Variants in NEK1 observed in about 807,000 individuals in gnomAD.
NEK1 encodes NIMA related kinase 1.
NEK1 carries 137 observed loss-of-function variants against 182.1 expected under a neutral mutation model. That is an observed-to-expected ratio of 0.75 (90% CI 0.65 to 0.87). The LOEUF (loss-of-function observed/expected upper bound fraction) is 0.87, where lower values mean the gene tolerates loss of function less well. Ranked by LOEUF, NEK1 falls within the 40% of genes least tolerant of loss-of-function variation. The pLI is 0.00. For synonymous variants in NEK1, 513 were observed against 492.2 expected (o/e 1.04, Z -0.56); for missense variants, 1,391 against 1,494.4 (o/e 0.93, Z 1.14).
chr4:169,544,391 G>A (rs995986090), intron 18 of NEK1, among the ~76,000 whole-genome samples: 4 of 152,004 alleles, frequency 2.6e-5, no homozygotes, highest in South Asian at 2.1e-4. Flanking sequence ...GAGGATTTTC[G>A]CAACAATGTT....
chr4:169,603,381 G>A (rs1378693767), intron 2 of NEK1, among the ~76,000 whole-genome samples: 3 of 152,062 alleles, frequency 2.0e-5, no homozygotes, highest in African/African-American at 7.2e-5. Flanking sequence ...AGCAATAAAG[G>A]GTAGTAGTTA....
intron 30 of NEK1, 87 bp downstream of exon 30, chr4:169,426,059 T>C: frequency 1.0e-6 from 1 of 955,750 alleles, no homozygotes; most frequent in South Asian, 1.5e-5. Flanking sequence ...TGCTTTCTTA[T>C]TTATATATTA....
intron 23 of NEK1, among the ~76,000 whole-genome samples, chr4:169,480,532 C>G (rs1218950227): frequency 8.7e-6 from 1 of 114,688 alleles, no homozygotes; most frequent in Non-Finnish European, 1.8e-5. Context: ...AAAAAAAAAG[C>G]TAATGATTCT....
At chr4:169,507,169 A>G in intron 22 of NEK1, 37 bp from the exon 23 acceptor site, 1 of 1,359,480 alleles carries the variant, frequency 7.4e-7, no homozygotes, top group Non-Finnish European at 1.0e-6. Flanking sequence ...GAGTTACCAG[A>G]AAGAAGGGCA....
intron 18 of NEK1, among the ~76,000 whole-genome samples, chr4:169,552,274 A>G (rs1414379903): frequency 6.6e-6 from 1 of 152,050 alleles, no homozygotes; most frequent in Admixed American, 6.6e-5. Context: ...AATAAAATAC[A>G]GCTGTTTCAA....
intron 23 of NEK1, among the ~76,000 whole-genome samples, chr4:169,495,159 C>T (rs1750941244): frequency 6.6e-6 from 1 of 151,230 alleles, no homozygotes; most frequent in African/African-American, 2.4e-5. Context: ...ACATGAAGTC[C>T]TTGCCCATGT....
At chr4:169,583,373 G>T (rs999190408) in intron 10 of NEK1, among the ~76,000 whole-genome samples, 1 of 151,854 alleles carries the variant, frequency 6.6e-6, no homozygotes, top group African/African-American at 2.4e-5. Context: ...AACAACAAGC[G>T]ATATATAGTA....
At chr4:169,525,421 C>T (rs966446359) in intron 19 of NEK1, among the ~76,000 whole-genome samples, 2 of 152,164 alleles carry the variant, frequency 1.3e-5, no homozygotes, top group Admixed American at 6.5e-5. Context: ...TGAGCCACTG[C>T]ACCCAGCCCA....
Position 169,480,387 on chromosome 4 carries a change from C to G in NEK1, c.2008-853G>C, listed in dbSNP as rs1163416226. ...GGTAATATTGCAATAAAGTGAGTCA[C>G]ACAAATTCTGGGGTTTCTCAGAGCA... On this transcript the variant is annotated intron_variant, in intron 23 of 35. Transcript: ENST00000507142. Among the ~76,000 whole-genome samples, 8 of 151,676 alleles carry G rather than the reference C, an allele frequency of 5.3e-5. No homozygotes were observed. The East Asian group carries it at 1.5e-3, about 29-fold the overall frequency.
At chr4:169,495,432 C>T (rs562813875) in intron 23 of NEK1, among the ~76,000 whole-genome samples, 11 of 151,940 alleles carry the variant, frequency 7.2e-5, no homozygotes, top group South Asian at 6.2e-4. Context: ...TTAGTAGAGA[C>T]GGGGTTTCAC....
intron 27 of NEK1, among the ~76,000 whole-genome samples, chr4:169,453,390 T>C (rs1451773746): frequency 3.3e-5 from 5 of 152,224 alleles, no homozygotes; most frequent in Non-Finnish European, 7.3e-5. Context: ...CCTGGAGGCA[T>C]CATGCTACCT....
At chr4:169,564,558 A>T (rs1440513068) in intron 12 of NEK1, among the ~76,000 whole-genome samples, 2 of 152,122 alleles carry the variant, frequency 1.3e-5, no homozygotes, top group African/African-American at 4.8e-5. Flanking sequence ...AATAAACATG[A>T]CCCTCACATC....
chr4:169,491,965 C>T (rs545259904), intron 23 of NEK1, among the ~76,000 whole-genome samples: 1 of 152,188 alleles, frequency 6.6e-6, no homozygotes, highest in South Asian at 2.1e-4. Context: ...TTTGTGTAAG[C>T]CTCATGATTA....
At chr4:169,558,205 A>G (rs1020163820) in intron 16 of NEK1, among the ~76,000 whole-genome samples, 2 of 152,224 alleles carry the variant, frequency 1.3e-5, no homozygotes, top group African/African-American at 4.8e-5. Flanking sequence ...TAGCAAAAAC[A>G]AAAGTAGGTA....
At chr4:169,596,953 AT>A (rs1769607355) in intron 5 of NEK1, among the ~76,000 whole-genome samples, 1 of 152,168 alleles carries the variant, frequency 6.6e-6, no homozygotes, top group African/African-American at 2.4e-5. Context: ...AATCTCCATA[AT>A]AATTTCCAGG....
At chr4:169,465,167 G>A (rs1452056467) in intron 26 of NEK1, among the ~76,000 whole-genome samples, 1 of 152,092 alleles carries the variant, frequency 6.6e-6, no homozygotes, top group Non-Finnish European at 1.5e-5. Context: ...ATTTCTTAAA[G>A]GATGGTTAAA....
intron 26 of NEK1, among the ~76,000 whole-genome samples, chr4:169,467,306 C>A (rs1329586313): frequency 6.6e-6 from 1 of 151,744 alleles, no homozygotes; most frequent in African/African-American, 2.4e-5. Context: ...GATTCAACAC[C>A]CCCAACCCCC....
intron 28 of NEK1, among the ~76,000 whole-genome samples, chr4:169,433,934 G>T (rs1364196633): frequency 6.6e-6 from 1 of 151,982 alleles, no homozygotes; most frequent in Non-Finnish European, 1.5e-5. Flanking sequence ...TCACCATTAT[G>T]TAAAATTTTC....
chr4:169,579,713 C>T (rs921809957), intron 11 of NEK1, among the ~76,000 whole-genome samples: 13 of 150,302 alleles, frequency 8.6e-5, no homozygotes, highest in African/African-American at 1.5e-4. Context: ...CCCTTGAACC[C>T]GGGAGGCAGA....
Sources: gnomAD v4.1 joint callset for allele counts (sites outside exome capture counted in the v4.1 genomes callset) on GRCh38, gnomAD v4.1.1 for gene constraint, MANE v1.5 for transcripts, NCBI Gene and HGNC (gene_info 2026-07-23, HGNC 2026-07-21) for gene names.